Variants in CNTN5 observed in about 807,000 individuals in gnomAD.
CNTN5 encodes contactin-5.
CNTN5 carries 77 observed loss-of-function variants against 129.1 expected under a neutral mutation model. The ratio of observed to expected loss-of-function variants is 0.60; its 90% CI spans 0.50 to 0.72. The LOEUF is 0.72. CNTN5 is among the 30% of genes least tolerant of loss of function. The probability of loss-of-function intolerance (pLI) is 0.00; values close to 1 mark genes in which losing one functional copy is unlikely to be tolerated. For missense variants in CNTN5, 1,478 were observed against 1,328.8 expected (o/e 1.11, Z -1.75); for synonymous variants, 509 against 465.6 (o/e 1.09, Z -1.20).
At chr11:99,585,360 A>G (rs1220234333) in intron 3 of CNTN5, among the ~76,000 whole-genome samples, 1 of 152,128 alleles carries the variant, frequency 6.6e-6, no homozygotes, top group Admixed American at 6.5e-5. Flanking sequence ...AAAGAACAAA[A>G]CTACAACTGG....
At position 99,956,779 on chromosome 11, in the gene CNTN5, C is replaced by G. The variant is rs112148988; in HGVS notation, c.674-27C>G. 2.8e-3 allele frequency: 4,529 copies of G among 1,589,402 alleles called. 97 individuals are homozygous for G. The African/African-American group carries it at 0.046, about 16-fold the overall frequency. Reference sequence around the variant, plus strand: ...TGTTAATGAAAAAATCAAAGTCTTTCGTTGACCAAATTTTGTGTATTTTCA... The same window carrying G: ...TGTTAATGAAAAAATCAAAGTCTTTGGTTGACCAAATTTTGTGTATTTTCA... On this transcript the variant is annotated intron_variant, in intron 7 of 24. Coordinates refer to ENST00000524871, the MANE Select transcript of CNTN5 (RefSeq NM_014361.4).
At chr11:99,282,310 G>C (rs1034699933) in intron 1 of CNTN5, among the ~76,000 whole-genome samples, 2 of 152,056 alleles carry the variant, frequency 1.3e-5, no homozygotes. Flanking sequence ...ATAGCATTGT[G>C]GGGCCATGCT....
At chr11:100,110,679 A>G (rs1487890577) in intron 13 of CNTN5, among the ~76,000 whole-genome samples, 1 of 152,216 alleles carries the variant, frequency 6.6e-6, no homozygotes, top group Non-Finnish European at 1.5e-5. Context: ...TTTGCTTATC[A>G]ATTGTACCTT....
intron 1 of CNTN5, among the ~76,000 whole-genome samples, chr11:99,254,016 T>A (rs965515202): frequency 5.3e-5 from 8 of 151,290 alleles, no homozygotes; most frequent in African/African-American, 1.9e-4. Context: ...AGCAACCTGT[T>A]ATAAATCCAA....
intron 8 of CNTN5, among the ~76,000 whole-genome samples, chr11:99,980,364 A>C (rs1001350642): frequency 6.6e-6 from 1 of 152,342 alleles, no homozygotes; most frequent in African/African-American, 2.4e-5. Context: ...GAAACCAGCA[A>C]ATTTGTTGAG....
chr11:99,667,032 TATC>T (rs1952821051), intron 3 of CNTN5, among the ~76,000 whole-genome samples: 1 of 151,990 alleles, frequency 6.6e-6, no homozygotes, highest in East Asian at 1.9e-4. Flanking sequence ...TAATTATTAG[TATC>T]ATAATTAAAT....
intron 3 of CNTN5, among the ~76,000 whole-genome samples, chr11:99,600,836 G>A (rs1001363268): frequency 6.6e-6 from 1 of 152,082 alleles, no homozygotes; most frequent in Non-Finnish European, 1.5e-5. Flanking sequence ...TAAACACATA[G>A]GATGACATTT....
intron 21 of CNTN5, among the ~76,000 whole-genome samples, chr11:100,336,462 A>G (rs1278338268): frequency 1.3e-5 from 2 of 152,360 alleles, no homozygotes; most frequent in East Asian, 1.9e-4. Context: ...AGGACATAAA[A>G]AGTATAATTA....
At chr11:99,360,050 T>C (rs775688798) in intron 2 of CNTN5, among the ~76,000 whole-genome samples, 1 of 151,510 alleles carries the variant, frequency 6.6e-6, no homozygotes, top group Non-Finnish European at 1.5e-5. Context: ...CTCATAAAAA[T>C]TAAAAATTTA....
At chr11:99,048,447 T>A (rs796903442) in intron 1 of CNTN5, among the ~76,000 whole-genome samples, 7 of 152,292 alleles carry the variant, frequency 4.6e-5, no homozygotes, top group African/African-American at 1.7e-4. Context: ...ATTTCTCTAT[T>A]TTCAGAAATT....
chr11:99,852,459 G>A (rs537926036), intron 6 of CNTN5, among the ~76,000 whole-genome samples: 4 of 152,324 alleles, frequency 2.6e-5, no homozygotes, highest in South Asian at 2.1e-4. Flanking sequence ...TTAGAGGCAT[G>A]AGCCAAGATA....
At chr11:100,067,252 C>T (rs964765331) in intron 10 of CNTN5, among the ~76,000 whole-genome samples, 2 of 152,124 alleles carry the variant, frequency 1.3e-5, no homozygotes, top group South Asian at 2.1e-4. Context: ...TAATGTAGAG[C>T]TTAACTTCAT....
intron 2 of CNTN5, among the ~76,000 whole-genome samples, chr11:99,404,726 G>C (rs1402588162): frequency 6.6e-6 from 1 of 152,018 alleles, no homozygotes; most frequent in Non-Finnish European, 1.5e-5. Flanking sequence ...TTAAAACGTT[G>C]TCATAGTTTT....
At chr11:100,258,184 A>T (rs987146514) in intron 17 of CNTN5, among the ~76,000 whole-genome samples, 2 of 152,186 alleles carry the variant, frequency 1.3e-5, no homozygotes, top group African/African-American at 4.8e-5. Flanking sequence ...AAGAAAGGAT[A>T]TCAGAAATTG....
intron 3 of CNTN5, among the ~76,000 whole-genome samples, chr11:99,560,708 C>T (rs1948814738): frequency 6.6e-6 from 1 of 152,084 alleles, no homozygotes; most frequent in Admixed American, 6.6e-5. Context: ...AAGCACTGCA[C>T]TCTAGTTAAT....
At chr11:99,875,166 A>G (rs1189729819) in intron 6 of CNTN5, among the ~76,000 whole-genome samples, 1 of 152,128 alleles carries the variant, frequency 6.6e-6, no homozygotes, top group Non-Finnish European at 1.5e-5. Context: ...CACACTGAAA[A>G]TCTTTGTTCT....
At chr11:99,285,348 T>C (rs1461709148) in intron 1 of CNTN5, among the ~76,000 whole-genome samples, 1 of 152,164 alleles carries the variant, frequency 6.6e-6, no homozygotes, top group Non-Finnish European at 1.5e-5. Flanking sequence ...ATGATACTCC[T>C]AGGGTTTTTC....
intron 13 of CNTN5, among the ~76,000 whole-genome samples, chr11:100,142,477 T>G (rs2138262433): frequency 6.6e-6 from 1 of 152,274 alleles, no homozygotes; most frequent in African/African-American, 2.4e-5. Flanking sequence ...ACCCAAAATT[T>G]TTGAGCTTCT....
chr11:99,829,236 A>T (rs1591269785), intron 4 of CNTN5, among the ~76,000 whole-genome samples: 1 of 152,224 alleles, frequency 6.6e-6, no homozygotes, highest in Non-Finnish European at 1.5e-5. Context: ...GGTTAATCTC[A>T]TAATTTGCTA....
Sources: gnomAD v4.1 joint callset for allele counts (sites outside exome capture counted in the v4.1 genomes callset) on GRCh38, gnomAD v4.1.1 for gene constraint, MANE v1.5 for transcripts, NCBI Gene and HGNC (gene_info 2026-07-23, HGNC 2026-07-21) for gene names.